Variants in MXI1 observed in about 807,000 individuals in gnomAD.
The protein encoded by MXI1 is MAX interactor 1, dimerization protein.
In MXI1, 18 loss-of-function variants were observed where a neutral mutation model predicts 36.9. That is an observed-to-expected ratio of 0.49 (90% CI 0.34 to 0.72). The LOEUF (loss-of-function observed/expected upper bound fraction) is 0.72. Ranked by LOEUF, MXI1 falls within the 30% of genes least tolerant of loss-of-function variation. MXI1 has a pLI of 0.01. For missense variants in MXI1, 304 were observed against 379.1 expected (o/e 0.80, Z 1.64); for synonymous variants, 160 against 146.7 (o/e 1.09, Z -0.65).
chr10:110,270,880 A>G (rs1380126055), intron 3 of MXI1, among the ~76,000 whole-genome samples: 2 of 152,170 alleles, frequency 1.3e-5, no homozygotes, highest in Non-Finnish European at 2.9e-5. Context: ...GCCTGAGCTC[A>G]GGAGTCCGAA....
chr10:110,248,267 G>A (rs1855946696), intron 3 of MXI1, among the ~76,000 whole-genome samples: 1 of 151,990 alleles, frequency 6.6e-6, no homozygotes, highest in African/African-American at 2.4e-5. Flanking sequence ...AATGGGTGCA[G>A]CACACCAACA....
intron 2 of MXI1, among the ~76,000 whole-genome samples, 182 bp from the exon 3 acceptor site, chr10:110,244,646 T>C (rs1855793973): frequency 6.6e-6 from 1 of 152,102 alleles, no homozygotes; most frequent in Admixed American, 6.6e-5. Context: ...AATACTATAT[T>C]TGTATAAACA....
chr10:110,232,245 C>G (rs865907277), intron 2 of MXI1, among the ~76,000 whole-genome samples: 1 of 152,188 alleles, frequency 6.6e-6, no homozygotes, highest in Non-Finnish European at 1.5e-5. Flanking sequence ...CAGGTGTGAC[C>G]CACCGCACTT....
chr10:110,258,265 A>G (rs922199653), intron 3 of MXI1, among the ~76,000 whole-genome samples: 8 of 152,156 alleles, frequency 5.3e-5, no homozygotes, highest in Admixed American at 4.6e-4. Context: ...TGATACCCAT[A>G]CTTTTAATTA....
intron 1 of MXI1, among the ~76,000 whole-genome samples, chr10:110,217,086 G>A (rs566028023): frequency 1.3e-5 from 2 of 151,798 alleles, no homozygotes; most frequent in Non-Finnish European, 1.5e-5. Context: ...CATTCCACTC[G>A]CAGTTCTTTA....
At chr10:110,226,743 T>A (rs1477317598) in intron 1 of MXI1, among the ~76,000 whole-genome samples, 1 of 5,318 alleles carries the variant, frequency 1.9e-4, no homozygotes, top group African/African-American at 1.1e-3. Context: ...GGAGCGCGCG[T>A]GTGGGAGGGG....
At chr10:110,258,394 G>A (rs1564719659) in intron 3 of MXI1, among the ~76,000 whole-genome samples, 1 of 151,946 alleles carries the variant, frequency 6.6e-6, no homozygotes, top group Non-Finnish European at 1.5e-5. Context: ...GGAAAGTAGG[G>A]GCCACTCATT....
At chr10:110,208,492 G>C (rs1187184333) in intron 1 of MXI1, 1 of 159,152 alleles carries the variant, frequency 6.3e-6, no homozygotes, top group Non-Finnish European at 1.4e-5. Context: ...GTTCCTGGGT[G>C]GGGTGGGGAT....
rs1053583986 is a variant in MXI1 at position 110,286,051 on chromosome 10, T to C, written c.*1064T>C. 4 of 152,592 alleles carry C rather than the reference T, an allele frequency of 2.6e-5. No individual in the cohort carries two copies. In the East Asian group the frequency reaches 5.8e-4, roughly 22 times the overall value. The allele number at this position is 152,592 out of a possible 1,614,324, so 9.5% of individuals were successfully genotyped here. On this transcript the variant is annotated 3_prime_UTR_variant, in exon 6 of 6. Coordinates refer to ENST00000332674, the MANE Select transcript of MXI1 (RefSeq NM_130439.3). ...ATAAAACACCTCACACCTCACTCTT[T>C]ATAGTGCACAAAATGAATGAGGTCT...
intron 5 of MXI1, 135 bp from the exon 6 acceptor site, chr10:110,284,689 T>C: frequency 1.2e-6 from 1 of 837,428 alleles, no homozygotes. Flanking sequence ...ACCTTGTTCC[T>C]CTGTTCTCCA....
chr10:110,245,473 T>G (rs1855828187), intron 3 of MXI1, among the ~76,000 whole-genome samples: 1 of 152,140 alleles, frequency 6.6e-6, no homozygotes, highest in Non-Finnish European at 1.5e-5. Flanking sequence ...TGAAAGATAT[T>G]TTAGAAGGTC....
chr10:110,285,052 C>T lies in MXI1; in HGVS notation c.*65C>T. 7.5e-6 allele frequency: 11 copies of T among 1,461,340 alleles called. No individual in the cohort carries two copies. The highest frequency in any genetic ancestry group is 2.4e-5 in the East Asian group (1 of 42,096). 90.5% of individuals were successfully genotyped at this position (1,461,340 alleles called of 1,614,324 possible). A position where few individuals can be genotyped will look rare whatever the true frequency, so the allele number is the denominator to read the frequency against. On this transcript the variant is annotated 3_prime_UTR_variant, in exon 6 of 6. Coordinates refer to ENST00000332674, the MANE Select transcript of MXI1 (RefSeq NM_130439.3). Reference sequence around the variant, plus strand: ...TGGGCCAATTCAATACAAACAATCTCTTAAATTGGGTTCATGATGCAGTCT... The same window carrying T: ...TGGGCCAATTCAATACAAACAATCTTTTAAATTGGGTTCATGATGCAGTCT...
intron 1 of MXI1, chr10:110,225,952 C>A (rs1347465367): frequency 2.6e-5 from 24 of 921,962 alleles, no homozygotes; most frequent in Middle Eastern, 5.5e-4. Flanking sequence ...GGGGGCGGGC[C>A]CCGGCGCTGC....
chr10:110,233,559 G>C (rs1197638334), intron 2 of MXI1, among the ~76,000 whole-genome samples: 1 of 151,608 alleles, frequency 6.6e-6, no homozygotes, highest in Non-Finnish European at 1.5e-5. Flanking sequence ...GTAGTTTCTG[G>C]GTCTTTGTTC....
In MXI1 at chr10:110,250,842, A is replaced by AT. The variant is rs1554856840; in HGVS notation, c.437+5985_437+5986insT. Among the ~76,000 whole-genome samples, 85 of 150,788 alleles carry AT rather than the reference A, an allele frequency of 5.6e-4. 1 individual carries two copies. Among genetic ancestry groups the AT allele is most frequent in the Admixed American group, 3.6e-3 (54 of 15,110 alleles). On this transcript the variant is annotated intron_variant, in intron 3 of 5. Transcript: ENST00000332674. ...GCAAGACTTTGTCAAAAAAAAAAAA[A>AT]AAAAAATAACAACTTTAACAGGACT...
At chr10:110,267,010 T>G (rs1856695908) in intron 3 of MXI1, among the ~76,000 whole-genome samples, 1 of 152,168 alleles carries the variant, frequency 6.6e-6, no homozygotes, top group African/African-American at 2.4e-5. Flanking sequence ...CCCTTTAAAA[T>G]CTAAAATCAA....
chr10:110,246,923 A>C (rs1196884586), intron 3 of MXI1, among the ~76,000 whole-genome samples: 1 of 152,206 alleles, frequency 6.6e-6, no homozygotes, highest in Non-Finnish European at 1.5e-5. Flanking sequence ...CCTAAAAATA[A>C]AACCTTAAAT....
At chr10:110,208,132 C>G in intron 1 of MXI1, 50 bp downstream of exon 1, 1 of 1,549,330 alleles carries the variant, frequency 6.5e-7, no homozygotes, top group Non-Finnish European at 8.7e-7. Flanking sequence ...CTTTCTTTCT[C>G]GCCCACTTGG....
chr10:110,234,158 C>G (rs988368603), intron 2 of MXI1, among the ~76,000 whole-genome samples: 5 of 152,138 alleles, frequency 3.3e-5, no homozygotes, highest in African/African-American at 9.7e-5. Context: ...TTGTTATAAT[C>G]AGGCAGTACT....
Sources: allele counts gnomAD v4.1 joint callset (sites outside exome capture counted in the v4.1 genomes callset), GRCh38; gene constraint gnomAD v4.1.1; transcripts MANE v1.5; gene names NCBI Gene and HGNC (gene_info 2026-07-23, HGNC 2026-07-21).